PTPRT: variants seen among roughly 807,000 people sequenced by gnomAD.
PTPRT encodes protein tyrosine phosphatase receptor type T.
PTPRT carries 56 observed loss-of-function variants against 176.8 expected under a neutral mutation model. The ratio of observed to expected loss-of-function variants is 0.32; its 90% CI spans 0.26 to 0.40. The LOEUF (loss-of-function observed/expected upper bound fraction) is 0.40. PTPRT is among the 10% of genes least tolerant of loss of function. The pLI, the probability that PTPRT is intolerant of heterozygous loss-of-function variation, is 1.00. For synonymous variants in PTPRT, 783 were observed against 739.0 expected (o/e 1.06, Z -0.96); for missense variants, 1,540 against 1,908.2 (o/e 0.81, Z 3.60).
chr20:42,801,239 C>T (rs1036059632), intron 2 of PTPRT, among the ~76,000 whole-genome samples: 35 of 152,146 alleles, frequency 2.3e-4, no homozygotes, highest in African/African-American at 7.7e-4. Flanking sequence ...ACTGAAGGTG[C>T]GTGTATCACA....
rs1349661803 is a variant in PTPRT, at chr20:42,089,340, T to A, written c.3847-3487A>T. ...AATCAGAACTGCCCATTAAAAAAAA[T>A]AATTGCCTTTATCACCTGCACTGAA... On this transcript the variant is annotated intron_variant, in intron 27 of 30. Transcript: ENST00000373187. Among the ~76,000 whole-genome samples, 4 of 152,082 alleles carry A rather than the reference T, an allele frequency of 2.6e-5. No individual in the cohort carries two copies. In the East Asian group the frequency reaches 7.7e-4, roughly 29 times the overall value.
At chr20:42,971,446 A>G (rs916465321) in intron 1 of PTPRT, 2 of 152,170 alleles carry the variant, frequency 1.3e-5, no homozygotes, top group Non-Finnish European at 2.9e-5. Flanking sequence ...AAATCCTCCA[A>G]CAGCTTCCTA....
intron 7 of PTPRT, among the ~76,000 whole-genome samples, chr20:42,556,743 T>C (rs1316168557): frequency 6.6e-6 from 1 of 152,130 alleles, no homozygotes; most frequent in East Asian, 1.9e-4. Context: ...ATGATGGCTG[T>C]TGGCCACGAA....
chr20:42,124,413 G>A (rs1395631310), intron 19 of PTPRT, among the ~76,000 whole-genome samples: 1 of 152,190 alleles, frequency 6.6e-6, no homozygotes, highest in Admixed American at 6.5e-5. Flanking sequence ...TTATTTCCAG[G>A]CTGGTAATTC....
intron 1 of PTPRT, among the ~76,000 whole-genome samples, chr20:42,921,307 G>C (rs756693348): frequency 2.0e-4 from 30 of 152,162 alleles, no homozygotes; most frequent in Non-Finnish European, 2.9e-4. Flanking sequence ...ATCACTTGAG[G>C]CCAGGAGTCC....
intron 1 of PTPRT, among the ~76,000 whole-genome samples, chr20:42,936,283 T>C (rs573145494): frequency 2.0e-5 from 3 of 152,068 alleles, no homozygotes; most frequent in African/African-American, 7.2e-5. Flanking sequence ...TTGAGCAAAA[T>C]CATGAAACAG....
At chr20:42,492,169 T>C (rs1378531349) in intron 7 of PTPRT, among the ~76,000 whole-genome samples, 1 of 152,212 alleles carries the variant, frequency 6.6e-6, no homozygotes, top group Non-Finnish European at 1.5e-5. Flanking sequence ...AGTTTCTGTG[T>C]GAACATGAGT....
intron 16 of PTPRT, among the ~76,000 whole-genome samples, chr20:42,182,196 C>T (rs1316383988): frequency 2.0e-5 from 3 of 152,086 alleles, no homozygotes; most frequent in Non-Finnish European, 4.4e-5. Flanking sequence ...CCTTGTAGGC[C>T]ACGAGGTTAA....
intron 1 of PTPRT, among the ~76,000 whole-genome samples, chr20:43,081,565 A>G (rs1469426888): frequency 6.6e-6 from 1 of 152,128 alleles, no homozygotes; most frequent in Non-Finnish European, 1.5e-5. Flanking sequence ...TTCAAAGAAC[A>G]TTTGGTTATT....
chr20:42,686,864 A>G (rs1030289243), intron 6 of PTPRT, among the ~76,000 whole-genome samples: 1 of 152,038 alleles, frequency 6.6e-6, no homozygotes, highest in Non-Finnish European at 1.5e-5. Flanking sequence ...TGTTCCCTAC[A>G]ACTTAGATAA....
intron 15 of PTPRT, among the ~76,000 whole-genome samples, chr20:42,211,810 G>A (rs369064747): frequency 2.7e-5 from 4 of 150,876 alleles, no homozygotes; most frequent in African/African-American, 7.3e-5. Context: ...TATACCCAAA[G>A]GACTATAAAT....
chr20:42,745,959 T>C (rs997228218), intron 6 of PTPRT, among the ~76,000 whole-genome samples: 14 of 152,180 alleles, frequency 9.2e-5, no homozygotes, highest in Admixed American at 4.6e-4. Flanking sequence ...CCACAAATGG[T>C]AGCTAACTAC....
At chr20:42,960,334 G>T (rs1981915083) in intron 1 of PTPRT, among the ~76,000 whole-genome samples, 1 of 152,136 alleles carries the variant, frequency 6.6e-6, no homozygotes, top group Non-Finnish European at 1.5e-5. Flanking sequence ...CTGCTTCCAA[G>T]ATGGCACCTT....
intron 6 of PTPRT, among the ~76,000 whole-genome samples, chr20:42,713,421 C>T (rs1161777440): frequency 1.3e-5 from 2 of 152,084 alleles, no homozygotes; most frequent in African/African-American, 4.8e-5. Flanking sequence ...AAGTATCTTC[C>T]TCCTGGAGCC....
chr20:43,163,755 A>C (rs2146446479), intron 1 of PTPRT, among the ~76,000 whole-genome samples: 1 of 152,366 alleles, frequency 6.6e-6, no homozygotes, highest in South Asian at 2.1e-4. Context: ...TCAGGGGAAA[A>C]ATTATCCAAA....
At chr20:42,701,771 A>G (rs1192209014) in intron 6 of PTPRT, among the ~76,000 whole-genome samples, 1 of 152,076 alleles carries the variant, frequency 6.6e-6, no homozygotes, top group Non-Finnish European at 1.5e-5. Flanking sequence ...CACTTGGATC[A>G]CGAGCTCTGC....
At chr20:42,261,894 G>A (rs1173921750) in intron 13 of PTPRT, among the ~76,000 whole-genome samples, 2 of 152,182 alleles carry the variant, frequency 1.3e-5, no homozygotes, top group African/African-American at 4.8e-5. Context: ...TCCAGATTAT[G>A]CATCTGCAAC....
intron 1 of PTPRT, among the ~76,000 whole-genome samples, chr20:42,954,042 G>A (rs1028656988): frequency 2.6e-5 from 4 of 152,080 alleles, no homozygotes; most frequent in African/African-American, 7.2e-5. Context: ...ACAGGGGGAG[G>A]AGGGACTCTA....
intron 7 of PTPRT, among the ~76,000 whole-genome samples, chr20:42,609,485 G>A (rs963556791): frequency 2.0e-5 from 3 of 152,176 alleles, no homozygotes; most frequent in African/African-American, 7.2e-5. Context: ...GCCACGAGAG[G>A]ACACTTGTTA....
Sources: allele counts gnomAD v4.1 joint callset (sites outside exome capture counted in the v4.1 genomes callset), GRCh38; gene constraint gnomAD v4.1.1; transcripts MANE v1.5; gene names NCBI Gene and HGNC (gene_info 2026-07-23, HGNC 2026-07-21).